The following KCTD15 variants were observed in gnomAD, a reference collection of about 807,000 sequenced individuals.
KCTD15 encodes the protein BTB/POZ domain-containing protein KCTD15.
A neutral mutation model predicts 27.2 loss-of-function variants in KCTD15; 11 were observed. That is an observed-to-expected ratio of 0.41 (90% CI 0.25 to 0.67). The LOEUF (loss-of-function observed/expected upper bound fraction) is 0.67. KCTD15 is among the 30% of genes least tolerant of loss of function. The pLI is 0.35. For missense variants in KCTD15, 350 were observed against 409.3 expected (o/e 0.86, Z 1.25); for synonymous variants, 163 against 176.0 (o/e 0.93, Z 0.58).
intron 5 of KCTD15, among the ~76,000 whole-genome samples, chr19:33,810,143 G>T (rs1975844189): frequency 6.6e-6 from 1 of 152,216 alleles, no homozygotes; most frequent in Non-Finnish European, 1.5e-5. Flanking sequence ...ATTCCCAGTG[G>T]GGTGGGTGTG....
intron 4 of KCTD15, among the ~76,000 whole-genome samples, chr19:33,802,778 G>A (rs754626900): frequency 1.3e-5 from 2 of 152,198 alleles, no homozygotes; most frequent in East Asian, 1.9e-4. Flanking sequence ...TCCCTTAATC[G>A]GTTGACGACG....
At chr19:33,800,611 C>G in intron 3 of KCTD15, 91 bp downstream of exon 3, 4 of 1,148,002 alleles carry the variant, frequency 3.5e-6, no homozygotes, top group Non-Finnish European at 5.1e-6. Flanking sequence ...TTCCTTGGGA[C>G]CATGACACTC....
chr19:33,807,092 G>A (rs1975736806), intron 5 of KCTD15, 85 bp downstream of exon 5: 2 of 1,430,616 alleles, frequency 1.4e-6, no homozygotes, highest in South Asian at 1.4e-5. Flanking sequence ...GTGGACCCCT[G>A]GTTGTCATGG....
chr19:33,800,022 C>A (rs1975475216), intron 2 of KCTD15, among the ~76,000 whole-genome samples: 1 of 152,156 alleles, frequency 6.6e-6, no homozygotes, highest in Admixed American at 6.5e-5. Flanking sequence ...AGCCTTGGTC[C>A]ACAAGGCTGT....
chr19:33,811,303 C>G lies in KCTD15; in HGVS notation c.444C>G (p.Arg148=), dbSNP rs1024709421. The G allele has an allele frequency of 1.3e-6, 2 of 1,547,986 alleles. No homozygotes were observed. Among genetic ancestry groups the G allele is most frequent in the East Asian group, 2.4e-5 (1 of 40,850 alleles). Residue 148 remains arginine, a synonymous_variant, in exon 6 of 7, where the codon CGC becomes CGG. Coordinates refer to ENST00000683859, the MANE Select transcript of KCTD15 (RefSeq NM_001129994.2). ...ARYYQLQPMV[R]ELERWQQEQE... is the part of the protein sequence containing the mutation. ...ACTATCAGCTCCAGCCCATGGTGCGCGAGCTGGAGCGCTGGCAGCAGGAGC... is the reference window on the plus strand; with the variant it reads ...ACTATCAGCTCCAGCCCATGGTGCGGGAGCTGGAGCGCTGGCAGCAGGAGC...
Position 33,812,024 on chromosome 19 carries a change from G to T in KCTD15, c.693+472G>T, listed in dbSNP as rs756917489. 3 of 1,442,826 alleles carry T rather than the reference G, an allele frequency of 2.1e-6. No homozygotes were observed. In the African/African-American group the frequency reaches 4.3e-5, roughly 21 times the overall value. 89.4% of individuals were successfully genotyped at this position (1,442,826 alleles called of 1,614,324 possible). A position where few individuals can be genotyped will look rare whatever the true frequency, so the allele number is the denominator to read the frequency against. Reference sequence around the variant, plus strand: ...TCTTCCTGGATGGGTCCAAGAATTGGACAGCTCAGATGGAGTGAGGGCCTA... The same window carrying T: ...TCTTCCTGGATGGGTCCAAGAATTGTACAGCTCAGATGGAGTGAGGGCCTA... On this transcript the variant is annotated intron_variant, in intron 6 of 6. Transcript: ENST00000683859.
chr19:33,806,145 G>A (rs1321119510), intron 4 of KCTD15, among the ~76,000 whole-genome samples: 1 of 152,230 alleles, frequency 6.6e-6, no homozygotes, highest in Non-Finnish European at 1.5e-5. Context: ...CAAGGGCCCT[G>A]TTGCATGTGT....
At position 33,814,019 on chromosome 19, in the gene KCTD15, T is replaced by TGG. The variant is rs1158272383; in HGVS notation, c.*1072_*1073dup. The TGG allele has an allele frequency of 6.6e-6, 1 of 152,610 alleles. No individual in the cohort carries two copies. The highest frequency in any genetic ancestry group is 2.4e-5 in the African/African-American group (1 of 41,408). 9.5% of individuals were successfully genotyped at this position (152,610 alleles called of 1,614,324 possible). A position where few individuals can be genotyped will look rare whatever the true frequency, so the allele number is the denominator to read the frequency against. The stretch of plus-strand genomic sequence containing the variant: ...GCCTCCCCCACGACAGGCCCAAAGA[T>TGG]GGACCCCCCCTGGCCTTGTGACAGC... On this transcript the variant is annotated 3_prime_UTR_variant, in exon 7 of 7. Transcript: ENST00000683859.
Position 33,814,889 on chromosome 19 carries a change from A to C in KCTD15, c.*1941A>C, listed in dbSNP as rs1363795224. On this transcript the variant is annotated 3_prime_UTR_variant, in exon 7 of 7. Coordinates refer to ENST00000683859, the MANE Select transcript of KCTD15 (RefSeq NM_001129994.2). The stretch of plus-strand genomic sequence containing the variant: ...GCACAGACCAGTGGCTCCCTGTCCA[A>C]GGCCGCAGAGCAGACGCCATCCCAC... 1 of 152,330 alleles carries C rather than the reference A, an allele frequency of 6.6e-6. No homozygotes were observed. Among genetic ancestry groups the C allele is most frequent in the Non-Finnish European group, 1.5e-5 (1 of 68,102 alleles). 9.4% of individuals were successfully genotyped at this position (152,330 alleles called of 1,614,324 possible).
At chr19:33,803,231 G>A (rs1975614105) in intron 4 of KCTD15, among the ~76,000 whole-genome samples, 1 of 152,192 alleles carries the variant, frequency 6.6e-6, no homozygotes, top group Non-Finnish European at 1.5e-5. Context: ...TGGCTGACCT[G>A]CAGGACAATC....
At chr19:33,812,713 C>T (rs894473685) in intron 6 of KCTD15, 77 bp from the exon 7 acceptor site, 6 of 1,398,084 alleles carry the variant, frequency 4.3e-6, no homozygotes, top group East Asian at 2.9e-5. Flanking sequence ...CCCCAGCAGG[C>T]ACCCACCTCC....
upstream of KCTD15, among the ~76,000 whole-genome samples, chr19:33,795,438 G>GC (rs1023270285): frequency 6.6e-6 from 1 of 151,914 alleles, no homozygotes; most frequent in African/African-American, 2.4e-5. Flanking sequence ...GACCCCGAGC[G>GC]CCCCCCACCC....
chr19:33,815,150 C>A lies in KCTD15; in HGVS notation c.*2202C>A, dbSNP rs1976054682. On this transcript the variant is annotated 3_prime_UTR_variant, in exon 7 of 7. Coordinates refer to ENST00000683859, the MANE Select transcript of KCTD15 (RefSeq NM_001129994.2). ...AGTGGTAGAGATTCTCGAACATTCT[C>A]AAACTCTCTTTTTGGGTAAATGATT... is the stretch of plus-strand genomic sequence containing the variant. The A allele has an allele frequency of 2.0e-5, 3 of 152,126 alleles. No individual in the cohort carries two copies. Among genetic ancestry groups the A allele is most frequent in the Admixed American group, 1.3e-4 (2 of 15,278 alleles). The allele number at this position is 152,126 out of a possible 1,614,324, so 9.4% of individuals were successfully genotyped here. A position where few individuals can be genotyped will look rare whatever the true frequency, so the allele number is the denominator to read the frequency against.
chr19:33,796,246 C>G (rs913753884), upstream of KCTD15: 1 of 150,624 alleles, frequency 6.6e-6, no homozygotes, highest in Non-Finnish European at 1.5e-5. Context: ...CCGGAGGAGG[C>G]CCGGGCGCCG....
intron 2 of KCTD15, chr19:33,799,692 A>G (rs1430734008): frequency 1.3e-5 from 2 of 152,568 alleles, no homozygotes; most frequent in Admixed American, 6.5e-5. Flanking sequence ...CCTCCTGGCC[A>G]CCTGGCCATC....
rs1975971714 is a variant in KCTD15 at position 33,812,853 on chromosome 19, T to TC, written c.759dup (p.Ser254LeufsTer61). ...TGCGTCCTGTGGGGGCGGTGTGGAC[T>TC]CCTCCCAGTTCAGCGAGTATGTGCT... On this transcript the variant is annotated frameshift_variant, in exon 7 of 7. Transcript: ENST00000683859. LOFTEE classifies it high-confidence loss of function. 6.5e-7 allele frequency: 1 copy of TC among 1,541,882 alleles called. No individual in the cohort carries two copies. Among genetic ancestry groups the TC allele is most frequent in the Non-Finnish European group, 8.8e-7 (1 of 1,142,174 alleles).
At chr19:33,810,685 AAAC>A (rs1975868289) in intron 5 of KCTD15, among the ~76,000 whole-genome samples, 2 of 145,896 alleles carry the variant, frequency 1.4e-5, no homozygotes, top group Admixed American at 1.3e-4. Flanking sequence ...CAAAAAAAAA[AAAC>A]AAAAAAAAAC....
In KCTD15 at chr19:33,811,344, G is replaced by A. The variant is rs776384769; in HGVS notation, c.485G>A (p.Arg162His). Residue 162 changes from arginine to histidine, a missense_variant, in exon 6 of 7, where the codon CGC (arginine) becomes CAC (histidine). Physicochemically the swap from Arg to His is conservative, Grantham distance 29 (BLOSUM62 0). Transcript: ENST00000683859. ...CAGCAGGAGCAGGAGCAGCGGCGCC[G>A]CAGCCGGGCCTGTGACTGCCTGGTG... is the stretch of plus-strand genomic sequence containing the variant. ...RWQQEQEQRR[R>H]SRACDCLVVR... is the part of the protein sequence containing the mutation. The A allele has an allele frequency of 2.2e-5, 35 of 1,561,976 alleles. No individual in the cohort carries two copies. The South Asian group carries it at 3.5e-4, about 16-fold the overall frequency.
chr19:33,803,190 A>T (rs999012100), intron 4 of KCTD15, among the ~76,000 whole-genome samples: 2 of 152,146 alleles, frequency 1.3e-5, no homozygotes, highest in African/African-American at 4.8e-5. Flanking sequence ...GGTGCTCTGT[A>T]GGCCTGAAGC....
Sources: allele counts gnomAD v4.1 joint callset (sites outside exome capture counted in the v4.1 genomes callset), GRCh38; gene constraint gnomAD v4.1.1; transcripts MANE v1.5; gene names NCBI Gene and HGNC (gene_info 2026-07-23, HGNC 2026-07-21).